Variants in MYH13 observed in about 807,000 individuals in gnomAD.
The protein encoded by MYH13 is myosin heavy chain 13, also known as myosin-13.
In MYH13, 177 loss-of-function variants were observed where a neutral mutation model predicts 232.1. The observed-to-expected ratio is 0.76, with a 90% CI of 0.67 to 0.86. MYH13 has a LOEUF of 0.86. MYH13 is among the 40% of genes least tolerant of loss of function. The probability of loss-of-function intolerance (pLI) is 0.00; values close to 1 mark genes in which losing one functional copy is unlikely to be tolerated. For synonymous variants in MYH13, 884 were observed against 923.5 expected (o/e 0.96, Z 0.78); for missense variants, 2,246 against 2,405.9 (o/e 0.93, Z 1.39).
chr17:10,315,241 C>T (rs1383014470), intron 29 of MYH13, among the ~76,000 whole-genome samples: 1 of 152,176 alleles, frequency 6.6e-6, no homozygotes, highest in African/African-American at 2.4e-5. Context: ...GGTCCTCTAA[C>T]CTTAAAGGAC....
Position 10,312,073 on chromosome 17 carries a change from G to C in MYH13, c.4369C>G (p.Leu1457Val). 6.2e-7 allele frequency: 1 copy of C among 1,613,608 alleles called. No homozygotes were observed. Among genetic ancestry groups the C allele is most frequent in the Non-Finnish European group, 8.5e-7 (1 of 1,179,888 alleles). The part of the protein sequence containing the change: ...DKKQRNFDKV[L>V]AEWKQKLDES... The stretch of plus-strand genomic sequence containing the variant: ...TCCAGCTTTTGCTTCCACTCTGCAA[G>C]GACCTGGGAGATGACAAAGGGACAT... Residue 1457 changes from leucine to valine, a missense_variant, in exon 32 of 41, where the codon CTT becomes GTT. Leu to Val is a conservative substitution (Grantham distance 32, BLOSUM62 1). Transcript: ENST00000252172.
At chr17:10,332,756 G>T (rs944414786) in intron 19 of MYH13, among the ~76,000 whole-genome samples, 2 of 152,166 alleles carry the variant, frequency 1.3e-5, no homozygotes, top group Non-Finnish European at 2.9e-5. Flanking sequence ...AGAGGGCAGG[G>T]TTACTGCTAA....
At chr17:10,369,137 G>T (rs2071860065) in intron 2 of MYH13, among the ~76,000 whole-genome samples, 1 of 151,328 alleles carries the variant, frequency 6.6e-6, no homozygotes, top group Non-Finnish European at 1.5e-5. Context: ...ATCAAAATTT[G>T]CCATCAATTA....
intron 21 of MYH13, among the ~76,000 whole-genome samples, chr17:10,329,085 C>G (rs1198124921): frequency 6.6e-6 from 1 of 152,182 alleles, no homozygotes; most frequent in Non-Finnish European, 1.5e-5. Flanking sequence ...TTCCTGAACA[C>G]TGGCTTCTCT....
rs771232229 is a variant in MYH13, at chr17:10,345,250, G to A, written c.1536C>T (p.Phe512=). 45 of 1,614,026 alleles carry A rather than the reference G, an allele frequency of 2.8e-5. No homozygotes were observed. Among genetic ancestry groups the A allele is most frequent in the Non-Finnish European group, 3.7e-5 (44 of 1,180,014 alleles). The part of the protein sequence containing the change: ...EYKKEGIEWE[F]IDFGMDLAAC... Reference sequence around the variant, plus strand: ...CAGCCAGGTCCATTCCGAAGTCAATGAACTCCCACTCGATGCCTTCCTTCT... The same window carrying A: ...CAGCCAGGTCCATTCCGAAGTCAATAAACTCCCACTCGATGCCTTCCTTCT... The change falls in exon 15 of 41, where the codon TTC becomes TTT. Residue 512 remains phenylalanine (F), a synonymous_variant. Coordinates refer to ENST00000252172, the MANE Select transcript of MYH13 (RefSeq NM_003802.3).
intron 7 of MYH13, 141 bp downstream of exon 7, chr17:10,359,819 G>T (rs1461600236): frequency 4.2e-6 from 3 of 710,186 alleles, no homozygotes; most frequent in East Asian, 2.7e-5. Context: ...CACGTTCTGT[G>T]TGAGGATACA....
At chr17:10,339,080 CT>C (rs1284085889) in intron 18 of MYH13, among the ~76,000 whole-genome samples, 2 of 152,142 alleles carry the variant, frequency 1.3e-5, no homozygotes, top group African/African-American at 4.8e-5. Context: ...AATAGGTGAA[CT>C]TTTCCCCCCC....
Position 10,301,660 on chromosome 17 carries a change from T to C in MYH13, c.5711A>G (p.Gln1904Arg). The change falls in exon 40 of 41, where the codon CAG (glutamine) becomes CGG (arginine). Residue 1904 changes from glutamine to arginine, a missense_variant. Transcript: ENST00000252172. ...CTCCGCGGCCTCCTCTAGCTCATGCTGGACTCTCCGGCATCTGGACAGCTG... is the reference window on the plus strand; with the variant it reads ...CTCCGCGGCCTCCTCTAGCTCATGCCGGACTCTCCGGCATCTGGACAGCTG... ...NTQLSRCRRV[Q>R]HELEEAAERA... 6.2e-7 allele frequency: 1 copy of C among 1,614,154 alleles called. No homozygotes were observed. Among genetic ancestry groups the C allele is most frequent in the Non-Finnish European group, 8.5e-7 (1 of 1,180,022 alleles).
rs546345805 is a variant in MYH13 at position 10,340,135 on chromosome 17, T to C, written c.2056+15A>G. The C allele has an allele frequency of 3.1e-6, 5 of 1,607,446 alleles. No homozygotes were observed. The African/African-American group carries it at 6.7e-5, about 21-fold the overall frequency. On this transcript the variant is annotated intron_variant, in intron 18 of 40. Transcript: ENST00000252172. ...TGTTCTGTTCAAATACTTGGCAAGA[T>C]CTGCTGGTACTCACCAGGAGTCTTG... is the stretch of plus-strand genomic sequence containing the variant.
intron 20 of MYH13, among the ~76,000 whole-genome samples, chr17:10,331,595 T>G (rs567208935): frequency 1.3e-5 from 2 of 152,268 alleles, no homozygotes; most frequent in Non-Finnish European, 2.9e-5. Context: ...TTTGTTTTTT[T>G]GAGACAGGGC....
intron 20 of MYH13, 92 bp from the exon 21 acceptor site, chr17:10,330,615 C>A: frequency 6.7e-7 from 1 of 1,482,186 alleles, no homozygotes. Context: ...AACTCTGAGG[C>A]TCAACTCTCA....
chr17:10,301,226 A>G (rs538407818), intron 40 of MYH13, among the ~76,000 whole-genome samples: 1 of 152,320 alleles, frequency 6.6e-6, no homozygotes, highest in South Asian at 2.1e-4. Context: ...CTCACTGCTC[A>G]TTCTTTCAAG....
intron 3 of MYH13, among the ~76,000 whole-genome samples, chr17:10,363,597 C>A (rs145860223): frequency 6.6e-6 from 1 of 152,226 alleles, no homozygotes; most frequent in African/African-American, 2.4e-5. Context: ...GGACTTGTTT[C>A]TGAATAAATC....
In MYH13 at chr17:10,324,007, C is replaced by G. The variant is rs1361870835; in HGVS notation, c.2934+15G>C. On this transcript the variant is annotated intron_variant, in intron 23 of 40. Coordinates refer to ENST00000252172, the MANE Select transcript of MYH13 (RefSeq NM_003802.3). ...GCCTGTTAAGACACTGTGGGAGTCC[C>G]TTGGGTTTGCTCACCTTGTTCTCTG... The G allele has an allele frequency of 2.5e-6, 4 of 1,613,144 alleles. No homozygotes were observed.
intron 12 of MYH13, among the ~76,000 whole-genome samples, chr17:10,350,092 G>A (rs1015282484): frequency 2.6e-5 from 4 of 152,226 alleles, no homozygotes; most frequent in South Asian, 4.1e-4. Flanking sequence ...AGGAAGAACC[G>A]TTCACCATTC....
Position 10,318,813 on chromosome 17 carries a change from T to A in MYH13, c.3715A>T (p.Ile1239Phe). Residue 1239 changes from isoleucine (I) to phenylalanine (F), a missense_variant, in exon 27 of 41, where the codon ATC (isoleucine) becomes TTC (phenylalanine). Transcript: ENST00000252172. ...KMEIDDMASNIEALSKSKSNI... is the reference protein window; with the variant it reads ...KMEIDDMASNFEALSKSKSNI... ...ACCTTTGACTTGGAGAGAGCCTCGA[T>A]GTTGCTGGCCATGTCGTCAATCTCC... is the stretch of plus-strand genomic sequence containing the variant. 6.2e-7 allele frequency: 1 copy of A among 1,614,082 alleles called. No individual in the cohort carries two copies.
At chr17:10,366,381 G>GTTTGTTTTTTTTTTTTTTTTT (rs2071837334) in intron 2 of MYH13, among the ~76,000 whole-genome samples, 9 of 112,638 alleles carry the variant, frequency 8.0e-5, no homozygotes, top group African/African-American at 2.9e-4. Flanking sequence ...AAATAAATCT[G>GTTTGTTTTTTTTTTTTTTTTT]TTTTTTTTTT....
At chr17:10,322,312 C>G (rs543640430) in intron 23 of MYH13, among the ~76,000 whole-genome samples, 4 of 152,058 alleles carry the variant, frequency 2.6e-5, no homozygotes, top group African/African-American at 9.7e-5. Flanking sequence ...ACAGGAGAAT[C>G]GCTTGAAAAC....
chr17:10,320,534 G>C (rs959894132), intron 24 of MYH13, 38 bp from the exon 25 acceptor site: 1 of 1,592,402 alleles, frequency 6.3e-7, no homozygotes, highest in African/African-American at 1.3e-5. Context: ...AGCCCCTGCT[G>C]GGGAAGTGTT....
Sources: gnomAD v4.1 joint callset for allele counts (sites outside exome capture counted in the v4.1 genomes callset) on GRCh38, gnomAD v4.1.1 for gene constraint, MANE v1.5 for transcripts, NCBI Gene and HGNC (gene_info 2026-07-23, HGNC 2026-07-21) for gene names.